HERC2: variants seen among roughly 807,000 people sequenced by gnomAD.
The protein encoded by HERC2 is HECT and RLD domain containing E3 ubiquitin protein ligase 2, also known as E3 ubiquitin-protein ligase HERC2.
Under a neutral mutation model 537.7 loss-of-function variants are expected in HERC2, and 102 were observed. That is an observed-to-expected ratio of 0.19 (90% CI 0.16 to 0.22). HERC2 has a LOEUF of 0.22. Ranked by LOEUF, HERC2 falls within the 10% of genes least tolerant of loss-of-function variation. The probability of loss-of-function intolerance (pLI) is 1.00; values close to 1 mark genes in which losing one functional copy is unlikely to be tolerated. For synonymous variants in HERC2, 2,224 were observed against 2,466.2 expected (o/e 0.90, Z 2.91); for missense variants, 4,236 against 6,198.2 (o/e 0.68, Z 10.63).
chr15:28,260,791 A>T lies in HERC2; in HGVS notation c.2302T>A (p.Cys768Ser). 6.2e-7 allele frequency: 1 copy of T among 1,614,106 alleles called. No homozygotes were observed. The highest frequency in any genetic ancestry group is 8.5e-7 in the Non-Finnish European group (1 of 1,179,960). ...LDTKHIVGIACGPAQSFAWSS... is the reference protein window; with the variant it reads ...LDTKHIVGIASGPAQSFAWSS... ...ATATTCAGTACCTGGGCAGGCCCAC[A>T]GGCAATTCCCACTATGTGTTTGGTG... is the stretch of plus-strand genomic sequence containing the variant. The change falls in exon 16 of 93, where the codon TGT becomes AGT. Residue 768 changes from cysteine to serine, a missense_variant. Coordinates refer to ENST00000261609, the MANE Select transcript of HERC2 (RefSeq NM_004667.6).
chr15:28,273,338 A>G (rs77925277), intron 7 of HERC2, among the ~76,000 whole-genome samples: 30 of 152,384 alleles, frequency 2.0e-4, no homozygotes, highest in Non-Finnish European at 4.1e-4. Flanking sequence ...TCAATGACGT[A>G]TAAGACTATA....
Position 28,218,655 on chromosome 15 carries a change from T to C in HERC2, c.5862A>G (p.Glu1954=), listed in dbSNP as rs769146506. 6.3e-7 allele frequency: 1 copy of C among 1,586,038 alleles called. No homozygotes were observed. The highest frequency in any genetic ancestry group is 2.2e-5 in the East Asian group (1 of 44,816). ...TCATTGCAGTGGGGTGAATGTTCCTTTCAGTTTGTTCGGCTTCTAAAAAAA... is the reference window on the plus strand; with the variant it reads ...TCATTGCAGTGGGGTGAATGTTCCTCTCAGTTTGTTCGGCTTCTAAAAAAA... ...TEDDSEAEQT[E]RNIHPTAMMF... The change falls in exon 38 of 93, where the codon GAA becomes GAG. Residue 1954 remains glutamate (E), a synonymous_variant. Coordinates refer to ENST00000261609, the MANE Select transcript of HERC2 (RefSeq NM_004667.6).
In HERC2 at chr15:28,142,189, A is replaced by G. The variant is rs113650950; in HGVS notation, c.11700+49T>C. The G allele has an allele frequency of 1.2e-5, 19 of 1,582,972 alleles. No homozygotes were observed. In the African/African-American group the frequency reaches 1.9e-4, roughly 16 times the overall value. On this transcript the variant is annotated intron_variant, in intron 76 of 92. Coordinates refer to ENST00000261609, the MANE Select transcript of HERC2 (RefSeq NM_004667.6). ...ATTGGCATCTTGTTACACTATAGCTAAATAATGTTTTTGCATCCCAAAAGT... is the reference window on the plus strand; with the variant it reads ...ATTGGCATCTTGTTACACTATAGCTGAATAATGTTTTTGCATCCCAAAAGT...
chr15:28,309,373 T>C (rs1171495034), intron 2 of HERC2, among the ~76,000 whole-genome samples: 2 of 152,200 alleles, frequency 1.3e-5, no homozygotes, highest in Admixed American at 6.5e-5. Flanking sequence ...ATATTTATAA[T>C]AGTTATAGCC....
intron 3 of HERC2, among the ~76,000 whole-genome samples, chr15:28,295,782 T>A (rs2076452872): frequency 6.6e-6 from 1 of 152,172 alleles, no homozygotes; most frequent in Non-Finnish European, 1.5e-5. Context: ...GTGGACTTCA[T>A]CTTTTCGTGT....
chr15:28,117,352 TCACCC>T, intron 86 of HERC2, 198 bp from the exon 87 acceptor site: 1 of 707,198 alleles, frequency 1.4e-6, no homozygotes, highest in Non-Finnish European at 2.6e-6. Context: ...GACCGCTGCC[TCACCC>T]CATTGGGCAT....
intron 70 of HERC2, among the ~76,000 whole-genome samples, chr15:28,149,810 G>A (rs981408668): frequency 6.6e-6 from 1 of 151,282 alleles, no homozygotes; most frequent in Middle Eastern, 3.5e-3. Flanking sequence ...AAAAACACAC[G>A]TGACTTCTAA....
In HERC2 at chr15:28,132,902, T is replaced by C; in HGVS notation, c.12231-72A>G. On this transcript the variant is annotated intron_variant, in intron 79 of 92. Coordinates refer to ENST00000261609, the MANE Select transcript of HERC2 (RefSeq NM_004667.6). ...AACATTTTTCAGTGTATTAAATACCTCTCAATCTACACCTTCCTAATCAGT... is the reference window on the plus strand; with the variant it reads ...AACATTTTTCAGTGTATTAAATACCCCTCAATCTACACCTTCCTAATCAGT... 6 of 1,166,482 alleles carry C rather than the reference T, an allele frequency of 5.1e-6. No individual in the cohort carries two copies. The South Asian group carries it at 8.5e-5, about 16-fold the overall frequency. 72.3% of individuals were successfully genotyped at this position (1,166,482 alleles called of 1,614,324 possible).
At chr15:28,180,053 C>T (rs559574157) in intron 57 of HERC2, among the ~76,000 whole-genome samples, 4 of 152,320 alleles carry the variant, frequency 2.6e-5, no homozygotes, top group African/African-American at 7.2e-5. Flanking sequence ...CTGGCCTTCA[C>T]GTTCACTCAC....
intron 83 of HERC2, among the ~76,000 whole-genome samples, chr15:28,126,205 C>T (rs917448013): frequency 1.3e-5 from 2 of 152,110 alleles, no homozygotes; most frequent in African/African-American, 4.8e-5. Flanking sequence ...GGAACAGAAA[C>T]CAGTACAACA....
chr15:28,157,035 T>C (rs1383564877), intron 69 of HERC2, among the ~76,000 whole-genome samples: 2 of 152,258 alleles, frequency 1.3e-5, no homozygotes, highest in African/African-American at 4.8e-5. Flanking sequence ...GTTCTGTTTA[T>C]ATGCTAGATT....
At chr15:28,259,566 T>C (rs2075361533) in intron 16 of HERC2, among the ~76,000 whole-genome samples, 1 of 152,118 alleles carries the variant, frequency 6.6e-6, no homozygotes, top group Non-Finnish European at 1.5e-5. Flanking sequence ...CAAGATAGTA[T>C]AACACAAAGA....
intron 78 of HERC2, among the ~76,000 whole-genome samples, chr15:28,140,884 G>A (rs536124208): frequency 6.6e-6 from 1 of 152,066 alleles, no homozygotes; most frequent in East Asian, 1.9e-4. Flanking sequence ...CATCTAACGA[G>A]TGATGTGCAA....
intron 86 of HERC2, chr15:28,118,057 A>C: frequency 5.9e-6 from 1 of 169,736 alleles, no homozygotes; most frequent in Non-Finnish European, 1.3e-5. Context: ...GGCTGCCATA[A>C]CCAAGACTAA....
chr15:28,243,246 A>G (rs1430449178), intron 23 of HERC2, among the ~76,000 whole-genome samples: 2 of 152,232 alleles, frequency 1.3e-5, no homozygotes, highest in African/African-American at 2.4e-5. Context: ...TTCTCATAAC[A>G]TGCATGAAAA....
In HERC2 at chr15:28,229,740, A is replaced by C. The variant is rs896720748; in HGVS notation, c.4917T>G (p.Ile1639Met). 2 of 1,607,514 alleles carry C rather than the reference A, an allele frequency of 1.2e-6. No homozygotes were observed. Among genetic ancestry groups the C allele is most frequent in the African/African-American group, 2.7e-5 (2 of 74,764 alleles). ...GCTCTTCTTTAAGGGCAAATTCAGC[A>C]ATTGTACTGAGGAGTGGAGACTGCG... is the stretch of plus-strand genomic sequence containing the variant. ...LYPQSPLLST[I>M]AEFALKEEPV... is the part of the protein sequence containing the mutation. The change falls in exon 32 of 93, where the codon ATT becomes ATG. Residue 1639 changes from isoleucine to methionine, a missense_variant. Around this residue, in one of 27 missense-constraint regions of HERC2, gnomAD observed 343 missense variants for 417.2 expected, o/e 0.82. Coordinates refer to ENST00000261609, the MANE Select transcript of HERC2 (RefSeq NM_004667.6).
intron 2 of HERC2, among the ~76,000 whole-genome samples, chr15:28,313,893 G>A (rs143218676): frequency 2.0e-5 from 3 of 152,146 alleles, no homozygotes; most frequent in African/African-American, 4.8e-5. Context: ...GAAGCAAAAC[G>A]GAGCTTCTGA....
At chr15:28,186,833 A>T (rs1896354331) in intron 55 of HERC2, 81 bp from the exon 56 acceptor site, 5 of 996,252 alleles carry the variant, frequency 5.0e-6, no homozygotes, top group Non-Finnish European at 6.2e-6. Context: ...GATGTGTGAG[A>T]CACGAACATG....
chr15:28,284,707 G>A (rs1022531740), intron 4 of HERC2, among the ~76,000 whole-genome samples: 7 of 151,980 alleles, frequency 4.6e-5, no homozygotes, highest in African/African-American at 1.4e-4. Flanking sequence ...TGGATCTCAG[G>A]AGTCTGAGAC....
Sources: gnomAD v4.1 joint callset for allele counts (sites outside exome capture counted in the v4.1 genomes callset) on GRCh38, gnomAD v4.1.1 for gene constraint, gnomAD v4.1.1 regional missense constraint, MANE v1.5 for transcripts, NCBI Gene and HGNC (gene_info 2026-07-23, HGNC 2026-07-21) for gene names.